The following PTPRT variants were observed in gnomAD, a reference collection of about 807,000 sequenced individuals.
The protein encoded by PTPRT is protein tyrosine phosphatase receptor type T.
A neutral mutation model predicts 176.8 loss-of-function variants in PTPRT; 56 were observed. The ratio of observed to expected loss-of-function variants is 0.32; its 90% CI spans 0.26 to 0.40. The LOEUF (loss-of-function observed/expected upper bound fraction) is 0.40, where lower values mean the gene tolerates loss of function less well. PTPRT is among the 10% of genes least tolerant of loss of function. PTPRT has a pLI of 1.00. For missense variants in PTPRT, 1,540 were observed against 1,908.2 expected (o/e 0.81, Z 3.60); for synonymous variants, 783 against 739.0 (o/e 1.06, Z -0.96).
intron 7 of PTPRT, among the ~76,000 whole-genome samples, chr20:42,557,317 T>A (rs1327329076): frequency 6.6e-6 from 1 of 152,086 alleles, no homozygotes; most frequent in East Asian, 1.9e-4. Context: ...TTACCACTGT[T>A]TCACTCTAAA....
At chr20:42,425,362 A>C (rs1468779702) in intron 9 of PTPRT, among the ~76,000 whole-genome samples, 1 of 152,196 alleles carries the variant, frequency 6.6e-6, no homozygotes, top group Non-Finnish European at 1.5e-5. Flanking sequence ...CTACTCGGTG[A>C]CTTATAAGTT....
At chr20:42,087,374 GC>G (rs1390994267) in intron 27 of PTPRT, among the ~76,000 whole-genome samples, 1 of 151,926 alleles carries the variant, frequency 6.6e-6, no homozygotes, top group African/African-American at 2.4e-5. Context: ...GTGACTACAG[GC>G]ATGTGCCATC....
intron 1 of PTPRT, among the ~76,000 whole-genome samples, chr20:43,065,877 GA>G (rs141250703): frequency 0.026 from 4,015 of 151,978 alleles, 182 homozygotes; most frequent in African/African-American, 0.092. Flanking sequence ...TACAGTTGGG[GA>G]AAAAAAGGTG....
intron 1 of PTPRT, among the ~76,000 whole-genome samples, chr20:42,926,760 C>T (rs890300944): frequency 1.3e-4 from 20 of 152,262 alleles, no homozygotes; most frequent in African/African-American, 4.6e-4. Flanking sequence ...ATCATATTTG[C>T]CTGCATGATT....
intron 2 of PTPRT, among the ~76,000 whole-genome samples, chr20:42,860,986 C>T (rs541266540): frequency 1.1e-4 from 16 of 152,312 alleles, no homozygotes; most frequent in South Asian, 4.1e-4. Context: ...TTAAGGATGA[C>T]GATTATTCTC....
chr20:42,715,363 G>A (rs939995862), intron 6 of PTPRT, among the ~76,000 whole-genome samples: 24 of 152,132 alleles, frequency 1.6e-4, no homozygotes, highest in African/African-American at 4.3e-4. Context: ...ATTTGCAGAT[G>A]AGAACTTTAA....
chr20:42,061,419 G>T, the PTPRT span, among the ~76,000 whole-genome samples: 1 of 152,148 alleles, frequency 6.6e-6, no homozygotes, highest in African/African-American at 2.4e-5. Context: ...CTCTGCCAGT[G>T]TATATAAGTA....
At chr20:42,776,159 C>A (rs1452827144) in intron 4 of PTPRT, among the ~76,000 whole-genome samples, 1 of 152,160 alleles carries the variant, frequency 6.6e-6, no homozygotes, top group African/African-American at 2.4e-5. Context: ...TCAAATGAGA[C>A]CAGTTGGCTC....
the PTPRT span, among the ~76,000 whole-genome samples, chr20:42,051,854 T>A: frequency 6.6e-6 from 1 of 152,232 alleles, no homozygotes; most frequent in Admixed American, 6.5e-5. Context: ...TTGTGTCTTC[T>A]GTTTTTGAGC....
chr20:42,517,052 T>C (rs1052774846), intron 7 of PTPRT, among the ~76,000 whole-genome samples: 1 of 152,094 alleles, frequency 6.6e-6, no homozygotes, highest in African/African-American at 2.4e-5. Flanking sequence ...GTTTACTAAG[T>C]ATAATTAATC....
chr20:42,587,044 A>G (rs1485231511), intron 7 of PTPRT, among the ~76,000 whole-genome samples: 1 of 152,134 alleles, frequency 6.6e-6, no homozygotes, highest in African/African-American at 2.4e-5. Flanking sequence ...AGCCAAGGAA[A>G]TCCCATCTTC....
chr20:42,264,437 G>A (rs1450636354), intron 13 of PTPRT, among the ~76,000 whole-genome samples: 2 of 152,136 alleles, frequency 1.3e-5, no homozygotes, highest in Admixed American at 1.3e-4. Flanking sequence ...TCCAAGGCTC[G>A]TCTCCTCCCC....
At chr20:42,636,336 C>T (rs999934234) in intron 7 of PTPRT, among the ~76,000 whole-genome samples, 13 of 152,256 alleles carry the variant, frequency 8.5e-5, no homozygotes, top group Admixed American at 5.9e-4. Context: ...GCAAACTGCT[C>T]TTCCTGCTAT....
At chr20:42,877,906 C>A (rs1443110806) in intron 2 of PTPRT, among the ~76,000 whole-genome samples, 2 of 152,130 alleles carry the variant, frequency 1.3e-5, no homozygotes, top group Admixed American at 6.6e-5. Context: ...ATCAGGGGAC[C>A]ATCGACAGTG....
intron 7 of PTPRT, among the ~76,000 whole-genome samples, chr20:42,603,960 CT>C (rs796569483): frequency 6.7e-4 from 102 of 152,322 alleles, no homozygotes; most frequent in African/African-American, 2.3e-3. Context: ...CAACATCTTC[CT>C]TTTCCCTTTG....
chr20:42,205,116 G>C (rs1362684893), intron 15 of PTPRT, among the ~76,000 whole-genome samples: 2 of 151,564 alleles, frequency 1.3e-5, no homozygotes, highest in Non-Finnish European at 2.9e-5. Context: ...TATACCTAAT[G>C]TTAAATGACG....
chr20:42,995,139 A>G (rs1984151380), intron 1 of PTPRT, among the ~76,000 whole-genome samples: 1 of 152,188 alleles, frequency 6.6e-6, no homozygotes, highest in Non-Finnish European at 1.5e-5. Context: ...TTGGTTATCT[A>G]CTACTGTGTA....
chr20:43,170,727 C>T (rs2014976907), intron 1 of PTPRT, among the ~76,000 whole-genome samples: 1 of 152,162 alleles, frequency 6.6e-6, no homozygotes, highest in Non-Finnish European at 1.5e-5. Context: ...CTCAAAACAT[C>T]ACAGTAATTT....
intron 2 of PTPRT, among the ~76,000 whole-genome samples, chr20:42,832,098 T>C (rs1212716705): frequency 2.6e-5 from 4 of 152,214 alleles, no homozygotes; most frequent in Non-Finnish European, 4.4e-5. Flanking sequence ...GGCAGCACTA[T>C]TCACAATAGC....
Sources: gnomAD v4.1 joint callset for allele counts (sites outside exome capture counted in the v4.1 genomes callset) on GRCh38, gnomAD v4.1.1 for gene constraint, MANE v1.5 for transcripts, NCBI Gene and HGNC (gene_info 2026-07-23, HGNC 2026-07-21) for gene names.